ZNF507: variants seen among roughly 807,000 people sequenced by gnomAD.
The protein encoded by ZNF507 is zinc finger protein 507.
A neutral mutation model predicts 80.0 loss-of-function variants in ZNF507; 29 were observed. The observed-to-expected ratio is 0.36, with a 90% CI of 0.27 to 0.49. ZNF507 has a LOEUF of 0.49. Among genes scored for constraint, ZNF507 ranks in the 20% least tolerant of loss-of-function variants. The probability of loss-of-function intolerance (pLI) is 0.98; values close to 1 mark genes in which losing one functional copy is unlikely to be tolerated. For synonymous variants in ZNF507, 462 were observed against 422.5 expected, an observed-to-expected ratio of 1.09 and a Z score of -1.15; for missense variants, 1,081 against 1,152.2, an observed-to-expected ratio of 0.94 and a Z score of 0.90.
chr19:32,387,545 C>T lies in ZNF507; in HGVS notation c.*4462C>T, dbSNP rs966094998. Reference sequence around the variant, plus strand: ...TCCAGTGTGGCAGCCACTATAATATCTAAGTGTAAAATACATAGCAGTTGC... The same window carrying T: ...TCCAGTGTGGCAGCCACTATAATATTTAAGTGTAAAATACATAGCAGTTGC... On this transcript the variant is annotated 3_prime_UTR_variant, in exon 7 of 7. Coordinates refer to ENST00000355898, the MANE Select transcript of ZNF507 (RefSeq NM_001136156.2). The T allele has an allele frequency of 6.6e-6, 1 of 152,062 alleles. No individual in the cohort carries two copies. Among genetic ancestry groups the T allele is most frequent in the Admixed American group, 6.6e-5 (1 of 15,260 alleles). The allele number at this position is 152,062 out of a possible 1,614,324, so 9.4% of individuals were successfully genotyped here.
intron 5 of ZNF507, among the ~76,000 whole-genome samples, chr19:32,362,607 A>G (rs1034630762): frequency 2.0e-5 from 3 of 152,206 alleles, no homozygotes; most frequent in African/African-American, 4.8e-5. Context: ...CATCTGCTTT[A>G]TTAGATCAGT....
At chr19:32,362,496 G>A (rs1165541410) in intron 5 of ZNF507, among the ~76,000 whole-genome samples, 1 of 152,254 alleles carries the variant, frequency 6.6e-6, no homozygotes, top group Non-Finnish European at 1.5e-5. Flanking sequence ...CAAAACAGAC[G>A]TCATCTTTGC....
chr19:32,380,635 T>C (rs1967611455), intron 5 of ZNF507: 1 of 1,535,032 alleles, frequency 6.5e-7, no homozygotes, highest in East Asian at 2.4e-5. Context: ...GTAAGTTATC[T>C]GGTTTGTTAG....
chr19:32,382,941 G>A lies in ZNF507; in HGVS notation c.2720G>A (p.Cys907Tyr). The change falls in exon 7 of 7, where the codon TGC (cysteine) becomes TAC (tyrosine). Residue 907 changes from cysteine (C) to tyrosine (Y), a missense_variant. By Grantham distance (194) the Cys-to-Tyr change is radical. This residue lies in a region of ZNF507 where 138 missense variants were observed against 158.4 expected (regional missense o/e 0.87). Transcript: ENST00000355898. ...CTGGCCCCTCCTAGCATGGAGTACTGCGTTTTACTCTTCTGCTGTTGTATT... is the reference window on the plus strand; with the variant it reads ...CTGGCCCCTCCTAGCATGGAGTACTACGTTTTACTCTTCTGCTGTTGTATT... ...SSLAPPSMEY[C>Y]VLLFCCCICG... 6.2e-7 allele frequency: 1 copy of A among 1,614,092 alleles called. No individual in the cohort carries two copies. The highest frequency in any genetic ancestry group is 8.5e-7 in the Non-Finnish European group (1 of 1,180,016).
chr19:32,366,072 C>T (rs1437689724), intron 5 of ZNF507, among the ~76,000 whole-genome samples: 1 of 152,052 alleles, frequency 6.6e-6, no homozygotes, highest in African/African-American at 2.4e-5. Context: ...AATACCCAGT[C>T]CAAAAATACC....
At chr19:32,352,788 C>A in intron 2 of ZNF507, 41 bp from the exon 3 acceptor site, 2 of 1,504,128 alleles carry the variant, frequency 1.3e-6, no homozygotes, top group South Asian at 2.7e-5. Context: ...TGTAATTATC[C>A]TGTAACCTGG....
At position 32,383,110 on chromosome 19, in the gene ZNF507, CAGT is replaced by C. The variant is rs1205888504; in HGVS notation, c.*30_*32del. 5.0e-6 allele frequency: 8 copies of C among 1,595,734 alleles called. No individual in the cohort carries two copies. Among genetic ancestry groups the C allele is most frequent in the East Asian group, 2.2e-5 (1 of 44,582 alleles). ...TGGAATAATGACTCGAGCAGGAAAG[CAGT>C]AGAAGAGGATTCCTTCACCACAGTT... On this transcript the variant is annotated 3_prime_UTR_variant, in exon 7 of 7. Transcript: ENST00000355898.
Position 32,356,642 on chromosome 19 carries a change from A to G in ZNF507, c.2154A>G (p.Glu718=). 6.2e-7 allele frequency: 1 copy of G among 1,614,132 alleles called. No homozygotes were observed. Among genetic ancestry groups the G allele is most frequent in the Non-Finnish European group, 8.5e-7 (1 of 1,179,978 alleles). The change falls in exon 4 of 7, where the codon GAA becomes GAG. Residue 718 remains glutamate (E), a synonymous_variant. Transcript: ENST00000355898. ...YKSQLRNHER[E]QHSLPDTLSI... ...GTCAATTGAGGAACCATGAGAGAGAACAGCACAGTCTTCCAGATACCTTGT... is the reference window on the plus strand; with the variant it reads ...GTCAATTGAGGAACCATGAGAGAGAGCAGCACAGTCTTCCAGATACCTTGT...
rs1388922474 is a variant in ZNF507, at chr19:32,386,296, C to A, written c.*3213C>A. ...GGTGGGCATCCATGTTTACATTGCACCTTCCCGTGCTGTAATTGGCTTGAC... is the reference window on the plus strand; with the variant it reads ...GGTGGGCATCCATGTTTACATTGCAACTTCCCGTGCTGTAATTGGCTTGAC... On this transcript the variant is annotated 3_prime_UTR_variant, in exon 7 of 7. Coordinates refer to ENST00000355898, the MANE Select transcript of ZNF507 (RefSeq NM_001136156.2). The A allele has an allele frequency of 6.6e-6, 1 of 152,582 alleles. No individual in the cohort carries two copies. Among genetic ancestry groups the A allele is most frequent in the African/African-American group, 2.4e-5 (1 of 41,422 alleles). 9.5% of individuals were successfully genotyped at this position (152,582 alleles called of 1,614,324 possible). A position where few individuals can be genotyped will look rare whatever the true frequency, so the allele number is the denominator to read the frequency against.
rs934814981 is a variant in ZNF507 at position 32,352,684 on chromosome 19, C to A, written c.-2-145C>A. The A allele has an allele frequency of 1.9e-5, 12 of 623,460 alleles. 1 individual carries two copies. Among genetic ancestry groups the A allele is most frequent in the Non-Finnish European group, 3.2e-5 (12 of 378,626 alleles). 38.6% of individuals were successfully genotyped at this position (623,460 alleles called of 1,614,324 possible). On this transcript the variant is annotated intron_variant, in intron 2 of 6. Coordinates refer to ENST00000355898, the MANE Select transcript of ZNF507 (RefSeq NM_001136156.2). ...ACCAATTTAAATCTATACTGGGGAT[C>A]GCCGGGTGTGTGGACATGGAGCTTC...
intron 5 of ZNF507, among the ~76,000 whole-genome samples, chr19:32,378,047 A>T (rs1176105597): frequency 6.6e-6 from 1 of 152,118 alleles, no homozygotes; most frequent in African/African-American, 2.4e-5. Flanking sequence ...AGATCTGTCA[A>T]GGGCATTAAA....
intron 3 of ZNF507, among the ~76,000 whole-genome samples, chr19:32,355,290 G>A (rs1485064649): frequency 3.3e-5 from 5 of 152,090 alleles, no homozygotes; most frequent in African/African-American, 7.2e-5. Flanking sequence ...ATTGACATAC[G>A]TTTGACTTAA....
At position 32,361,808 on chromosome 19, in the gene ZNF507, G is replaced by C. The variant is rs370125861; in HGVS notation, c.2360+1190G>C. Among the ~76,000 whole-genome samples, 231 of 67,452 alleles carry C rather than the reference G, an allele frequency of 3.4e-3. 4 individuals carry two copies. Among genetic ancestry groups the C allele is most frequent in the Middle Eastern group, 0.019 (1 of 54 alleles). 44.3% of individuals were successfully genotyped at this position (67,452 alleles called of 152,430 possible). ...CCTCCTTCCTTCCTTTCCTTCCTTC[G>C]TTTCCTTCCTTCCTTTCCTTTCTTC... is the stretch of plus-strand genomic sequence containing the variant. On this transcript the variant is annotated intron_variant, in intron 5 of 6. Coordinates refer to ENST00000355898, the MANE Select transcript of ZNF507 (RefSeq NM_001136156.2).
At chr19:32,355,958 C>T (rs34017743) in intron 3 of ZNF507, among the ~76,000 whole-genome samples, 13,513 of 152,038 alleles carry the variant, frequency 0.089, 1,050 homozygotes, top group East Asian at 0.44. Flanking sequence ...AAGATCATGC[C>T]GCTGCACTCC....
intron 5 of ZNF507, among the ~76,000 whole-genome samples, chr19:32,381,879 T>G (rs1967627757): frequency 6.6e-6 from 1 of 152,212 alleles, no homozygotes; most frequent in African/African-American, 2.4e-5. Flanking sequence ...CTAAAAATCT[T>G]TCATTGTTAA....
At chr19:32,380,781 T>A (rs755689955) in intron 5 of ZNF507, among the ~76,000 whole-genome samples, 1 of 152,150 alleles carries the variant, frequency 6.6e-6, no homozygotes, top group Non-Finnish European at 1.5e-5. Flanking sequence ...CTTTTATCCT[T>A]ATAAAAACTT....
At chr19:32,379,700 C>T (rs531581263) in intron 5 of ZNF507, among the ~76,000 whole-genome samples, 4 of 152,156 alleles carry the variant, frequency 2.6e-5, no homozygotes, top group Admixed American at 1.3e-4. Flanking sequence ...AAATTAAAAG[C>T]TTAACAGATC....
rs770281165 is a variant in ZNF507, at chr19:32,353,858, A to G, written c.1028A>G (p.Glu343Gly). 8.7e-6 allele frequency: 14 copies of G among 1,614,200 alleles called. No individual in the cohort carries two copies. Among genetic ancestry groups the G allele is most frequent in the Non-Finnish European group, 1.2e-5 (14 of 1,180,032 alleles). ...TCATCTCCTTTAGAACAGAGTGCAGAAAGAGGAGTACACCTAAGTCAGTCA... is the reference window on the plus strand; with the variant it reads ...TCATCTCCTTTAGAACAGAGTGCAGGAAGAGGAGTACACCTAAGTCAGTCA... ...SSSSPLEQSA[E>G]RGVHLSQSVT... Residue 343 changes from glutamate to glycine, a missense_variant, in exon 3 of 7, where the codon GAA (glutamate) becomes GGA (glycine). Physicochemically the swap from Glu to Gly is moderately conservative, Grantham distance 98. This residue lies in a region of ZNF507 where 614 missense variants were observed against 583.9 expected (regional missense o/e 1.05). Coordinates refer to ENST00000355898, the MANE Select transcript of ZNF507 (RefSeq NM_001136156.2).
chr19:32,349,763 A>G (rs575380316), intron 2 of ZNF507, among the ~76,000 whole-genome samples: 1 of 152,298 alleles, frequency 6.6e-6, no homozygotes, highest in South Asian at 2.1e-4. Context: ...ATACTTTATT[A>G]TGATCTGTTT....
Sources: gnomAD v4.1 joint callset for allele counts (sites outside exome capture counted in the v4.1 genomes callset) on GRCh38, gnomAD v4.1.1 for gene constraint, gnomAD v4.1.1 regional missense constraint, MANE v1.5 for transcripts, NCBI Gene and HGNC (gene_info 2026-07-23, HGNC 2026-07-21) for gene names.